LRP1B: variants seen among roughly 807,000 people sequenced by gnomAD.
LRP1B encodes LDL receptor related protein 1B.
In LRP1B, 217 loss-of-function variants were observed where a neutral mutation model predicts 556.6. The observed-to-expected ratio is 0.39, with a 90% confidence interval of 0.35 to 0.44. The LOEUF (loss-of-function observed/expected upper bound fraction) is 0.44. LRP1B is among the 20% of genes least tolerant of loss of function. The pLI is 1.00. For synonymous variants in LRP1B, 2,047 were observed against 1,865.8 expected (o/e 1.10, Z -2.50); for missense variants, 5,053 against 5,620.8 (o/e 0.90, Z 3.23).
At chr2:141,772,315 T>A (rs879459728) in intron 2 of LRP1B, among the ~76,000 whole-genome samples, 4 of 152,158 alleles carry the variant, frequency 2.6e-5, no homozygotes, top group Non-Finnish European at 5.9e-5. Flanking sequence ...AAACTATTAA[T>A]CTTAATTTGT....
chr2:141,320,535 T>G (rs1342089480), intron 3 of LRP1B, among the ~76,000 whole-genome samples: 1 of 152,086 alleles, frequency 6.6e-6, no homozygotes, highest in Non-Finnish European at 1.5e-5. Flanking sequence ...CCTACTTAAT[T>G]TGGATTCTCC....
chr2:141,110,327 A>G (rs1162479582), intron 7 of LRP1B, among the ~76,000 whole-genome samples: 1 of 152,098 alleles, frequency 6.6e-6, no homozygotes. Flanking sequence ...AAAAAAATGC[A>G]TAATATATTA....
intron 33 of LRP1B, among the ~76,000 whole-genome samples, chr2:140,771,707 A>G (rs1323521342): frequency 6.6e-6 from 1 of 152,144 alleles, no homozygotes; most frequent in Non-Finnish European, 1.5e-5. Flanking sequence ...TGTGCTAATT[A>G]ATGCTGGTAG....
intron 2 of LRP1B, among the ~76,000 whole-genome samples, chr2:141,529,099 C>T (rs1042064486): frequency 5.3e-5 from 8 of 152,148 alleles, no homozygotes; most frequent in East Asian, 1.9e-4. Flanking sequence ...CAACATTGAC[C>T]GTGAAGCCTG....
chr2:140,306,374 AG>A (rs1200479260), intron 83 of LRP1B, among the ~76,000 whole-genome samples: 1 of 151,840 alleles, frequency 6.6e-6, no homozygotes, highest in Non-Finnish European at 1.5e-5. Context: ...TTCCTGGTTT[AG>A]TCTTGGGAGG....
intron 11 of LRP1B, among the ~76,000 whole-genome samples, chr2:141,037,343 T>C (rs1698563224): frequency 6.6e-6 from 1 of 152,102 alleles, no homozygotes; most frequent in African/African-American, 2.4e-5. Context: ...TCTCCAGATA[T>C]AAATTTTACT....
chr2:141,424,778 T>C (rs1389137454), intron 3 of LRP1B, among the ~76,000 whole-genome samples: 1 of 152,164 alleles, frequency 6.6e-6, no homozygotes, highest in African/African-American at 2.4e-5. Flanking sequence ...CATATTGAAA[T>C]AATATGTACA....
intron 87 of LRP1B, among the ~76,000 whole-genome samples, chr2:140,246,525 A>C (rs953023256): frequency 3.0e-5 from 1 of 33,426 alleles, no homozygotes; most frequent in African/African-American, 4.2e-5. Flanking sequence ...CTATGGCTGC[A>C]CAAAAAAAAA....
chr2:141,665,964 G>A (rs576596457), intron 2 of LRP1B, among the ~76,000 whole-genome samples: 116 of 152,212 alleles, frequency 7.6e-4, no homozygotes, highest in African/African-American at 2.5e-3. Context: ...CCTGTTGGGG[G>A]CAGGGGTGGT....
intron 32 of LRP1B, among the ~76,000 whole-genome samples, chr2:140,778,457 T>C (rs1277016125): frequency 3.3e-5 from 5 of 152,174 alleles, no homozygotes; most frequent in African/African-American, 1.2e-4. Context: ...CTAAAAATTT[T>C]TCTAATGAGA....
chr2:141,617,797 A>T (rs1358486213), intron 2 of LRP1B, among the ~76,000 whole-genome samples: 3 of 152,212 alleles, frequency 2.0e-5, no homozygotes, highest in Non-Finnish European at 2.9e-5. Context: ...AAAATTTTAA[A>T]CACTCTAAAA....
chr2:141,956,196 C>T (rs1701246896), intron 1 of LRP1B, among the ~76,000 whole-genome samples: 1 of 152,134 alleles, frequency 6.6e-6, no homozygotes, highest in South Asian at 2.1e-4. Context: ...ACAGGTATTG[C>T]ACCTATTTAA....
intron 17 of LRP1B, among the ~76,000 whole-genome samples, chr2:140,983,486 G>A (rs1282439442): frequency 6.6e-6 from 1 of 152,088 alleles, no homozygotes; most frequent in Non-Finnish European, 1.5e-5. Context: ...AAGAAAGAGT[G>A]GAGCAAAGCC....
chr2:140,828,525 C>T (rs577201353), intron 31 of LRP1B, among the ~76,000 whole-genome samples: 2 of 131,722 alleles, frequency 1.5e-5, no homozygotes, highest in South Asian at 2.5e-4. Context: ...AGGAGAATGG[C>T]GTGAACCTGG....
intron 41 of LRP1B, among the ~76,000 whole-genome samples, chr2:140,657,324 C>T (rs1199283532): frequency 6.6e-6 from 1 of 151,730 alleles, no homozygotes; most frequent in East Asian, 1.9e-4. Flanking sequence ...ATTATAACTG[C>T]CCTATTGAGA....
intron 47 of LRP1B, among the ~76,000 whole-genome samples, chr2:140,532,201 T>C (rs1252865664): frequency 6.6e-6 from 1 of 152,094 alleles, no homozygotes; most frequent in Non-Finnish European, 1.5e-5. Flanking sequence ...TTATTATAGG[T>C]TTCGTTAACA....
intron 7 of LRP1B, among the ~76,000 whole-genome samples, chr2:141,123,255 T>TAAAAA (rs1558876221): frequency 2.1e-5 from 3 of 145,626 alleles, no homozygotes; most frequent in Admixed American, 6.9e-5. Context: ...AAAAAATAAA[T>TAAAAA]AAATAAATAA....
At chr2:141,906,476 G>A (rs937400091) in intron 1 of LRP1B, among the ~76,000 whole-genome samples, 2 of 151,958 alleles carry the variant, frequency 1.3e-5, no homozygotes, top group Non-Finnish European at 2.9e-5. Flanking sequence ...GTGATTACCT[G>A]TGAGTCAGTG....
chr2:141,279,216 T>G (rs1008257841), intron 3 of LRP1B, among the ~76,000 whole-genome samples: 5 of 152,066 alleles, frequency 3.3e-5, no homozygotes, highest in African/African-American at 1.2e-4. Context: ...GAATTGATTA[T>G]GCACCTAATT....
Sources: allele counts gnomAD v4.1 joint callset (sites outside exome capture counted in the v4.1 genomes callset), GRCh38; gene constraint gnomAD v4.1.1; transcripts MANE v1.5; gene names NCBI Gene and HGNC (gene_info 2026-07-23, HGNC 2026-07-21).